Variants in S100PBP observed in about 807,000 individuals in gnomAD.
The protein encoded by S100PBP is S100P-binding protein.
S100PBP carries 15 observed loss-of-function variants against 39.9 expected under a neutral mutation model. The observed-to-expected ratio is 0.38, with a 90% CI of 0.25 to 0.58. S100PBP has a LOEUF of 0.58. Ranked by LOEUF, S100PBP falls within the 20% of genes least tolerant of loss-of-function variation. The probability of loss-of-function intolerance (pLI) is 0.70; values close to 1 mark genes in which losing one functional copy is unlikely to be tolerated. For synonymous variants in S100PBP, 178 were observed against 180.3 expected, an observed-to-expected ratio of 0.99 and a Z score of 0.10; for missense variants, 504 against 487.3, an observed-to-expected ratio of 1.03 and a Z score of -0.32.
rs774895916 is a variant in S100PBP, at chr1:32,830,059, C to T, written c.1016C>T (p.Thr339Ile). Reference sequence around the variant, plus strand: ...GCTCATATAGAAGACCCAGAGGACACTAACCAAGGTAACATGGTACCCAGA... The same window carrying T: ...GCTCATATAGAAGACCCAGAGGACATTAACCAAGGTAACATGGTACCCAGA... ...VIAHIEDPEDTNQGISGELCA... is the reference protein window; with the variant it reads ...VIAHIEDPEDINQGISGELCA... The change falls in exon 5 of 7, where the codon ACT becomes ATT. Residue 339 changes from threonine to isoleucine, a missense_variant. Physicochemically the swap from Thr to Ile is moderately conservative, Grantham distance 89. Coordinates refer to ENST00000373475, the MANE Select transcript of S100PBP (RefSeq NM_022753.4). 6.3e-7 allele frequency: 1 copy of T among 1,598,666 alleles called. No homozygotes were observed. Among genetic ancestry groups the T allele is most frequent in the Admixed American group, 1.7e-5 (1 of 59,928 alleles).
At chr1:32,851,971 G>A (rs931763756) in intron 5 of S100PBP, among the ~76,000 whole-genome samples, 27 of 152,284 alleles carry the variant, frequency 1.8e-4, no homozygotes, top group Non-Finnish European at 3.8e-4. Flanking sequence ...TGCAAAATTA[G>A]CATTATTGCA....
intron 5 of S100PBP, among the ~76,000 whole-genome samples, chr1:32,834,416 C>T (rs1639730510): frequency 6.6e-6 from 1 of 152,076 alleles, no homozygotes; most frequent in Non-Finnish European, 1.5e-5. Flanking sequence ...TGAATTTTGT[C>T]TGTTTCTTGT....
upstream of S100PBP, chr1:32,817,235 C>A (rs1421123430): frequency 1.2e-6 from 2 of 1,614,010 alleles, no homozygotes; most frequent in African/African-American, 2.7e-5. Flanking sequence ...GGGCTGGGAG[C>A]GTCCCCCATG....
rs373787383 is a variant in S100PBP at position 32,842,221 on chromosome 1, G to GTATATATATA, written c.1025-10851_1025-10842dup. On this transcript the variant is annotated intron_variant, in intron 5 of 6. Transcript: ENST00000373475. ...AAAAAAAACATATATATATATATAT[G>GTATATATATA]TATATATATATATATACACACACAC... 8.7e-4 allele frequency among the ~76,000 whole-genome samples: 80 copies of GTATATATATA among 91,748 alleles called. 1 individual carries two copies. The highest frequency in any genetic ancestry group is 1.8e-3 in the Admixed American group (12 of 6,490). 60.2% of individuals were successfully genotyped at this position (91,748 alleles called of 152,430 possible).
At chr1:32,816,980 G>C, upstream of S100PBP, 2 of 642,700 alleles carry the variant, frequency 3.1e-6, no homozygotes, top group East Asian at 2.7e-5. Flanking sequence ...CTGGACGCAA[G>C]AGGTGAGCCC....
At position 32,826,783 on chromosome 1, in the gene S100PBP, G is replaced by A. The variant is rs1184877682; in HGVS notation, c.684G>A (p.Met228Ile). 2 of 1,614,076 alleles carry A rather than the reference G, an allele frequency of 1.2e-6. No individual in the cohort carries two copies. The highest frequency in any genetic ancestry group is 8.5e-7 in the Non-Finnish European group (1 of 1,180,000). Residue 228 changes from methionine to isoleucine, a missense_variant, in exon 3 of 7, where the codon ATG becomes ATA. Physicochemically the swap from Met to Ile is conservative, Grantham distance 10 (BLOSUM62 1). Coordinates refer to ENST00000373475, the MANE Select transcript of S100PBP (RefSeq NM_022753.4). Reference sequence around the variant, plus strand: ...AACAGACTGTCTCTGATAAAAATATGCCTGACAGTGAGAACCCTACGTCTG... The same window carrying A: ...AACAGACTGTCTCTGATAAAAATATACCTGACAGTGAGAACCCTACGTCTG... ...NFQQTVSDKN[M>I]PDSENPTSVF...
At chr1:32,822,284 A>G (rs1028114589) in intron 1 of S100PBP, among the ~76,000 whole-genome samples, 9 of 152,122 alleles carry the variant, frequency 5.9e-5, no homozygotes, top group Non-Finnish European at 8.8e-5. Context: ...TTACTTATGT[A>G]TATGTTTTAC....
intron 6 of S100PBP, among the ~76,000 whole-genome samples, chr1:32,854,750 T>C (rs1640757369): frequency 6.6e-6 from 1 of 152,242 alleles, no homozygotes; most frequent in South Asian, 2.1e-4. Flanking sequence ...CTATATGCTT[T>C]GGCCTATGCT....
chr1:32,817,205 T>C (rs763337272), upstream of S100PBP: 6 of 1,614,026 alleles, frequency 3.7e-6, no homozygotes, highest in Admixed American at 1.7e-5. Flanking sequence ...TTCCGGGTGA[T>C]AAGGTGCAGT....
chr1:32,851,930 T>C (rs913144035), intron 5 of S100PBP, among the ~76,000 whole-genome samples: 1 of 152,232 alleles, frequency 6.6e-6, no homozygotes, highest in African/African-American at 2.4e-5. Flanking sequence ...TCTGCTTCTA[T>C]TGAGTTTTAG....
At chr1:32,846,305 A>C (rs1640372854) in intron 5 of S100PBP, among the ~76,000 whole-genome samples, 1 of 149,444 alleles carries the variant, frequency 6.7e-6, no homozygotes, top group Non-Finnish European at 1.5e-5. Flanking sequence ...ATTTACTTTT[A>C]TGTTTAAAGT....
At chr1:32,834,692 T>G (rs1338194969) in intron 5 of S100PBP, among the ~76,000 whole-genome samples, 1 of 152,214 alleles carries the variant, frequency 6.6e-6, no homozygotes, top group Non-Finnish European at 1.5e-5. Context: ...GTAAAGTACA[T>G]TTACCCCTTT....
At chr1:32,831,297 A>G (rs1195721711) in intron 5 of S100PBP, among the ~76,000 whole-genome samples, 1 of 151,908 alleles carries the variant, frequency 6.6e-6, no homozygotes, top group Non-Finnish European at 1.5e-5. Context: ...CATATAAAGT[A>G]CAGTAGGAGC....
chr1:32,822,481 C>T (rs1409126993), intron 1 of S100PBP, among the ~76,000 whole-genome samples: 4 of 151,738 alleles, frequency 2.6e-5, no homozygotes, highest in Non-Finnish European at 1.5e-5. Context: ...GGCGTGGTGG[C>T]GGGCGCCTGC....
chr1:32,845,881 G>C (rs997615282), intron 5 of S100PBP, among the ~76,000 whole-genome samples: 1 of 151,692 alleles, frequency 6.6e-6, no homozygotes, highest in African/African-American at 2.4e-5. Context: ...GTTTTGCCAT[G>C]TTGCCCACGC....
chr1:32,854,569 A>G (rs1640749047), intron 6 of S100PBP, among the ~76,000 whole-genome samples: 1 of 152,172 alleles, frequency 6.6e-6, no homozygotes, highest in Non-Finnish European at 1.5e-5. Flanking sequence ...TTTGACCTGG[A>G]TTGTTGCAAG....
At chr1:32,822,787 T>C (rs1184139544) in intron 1 of S100PBP, among the ~76,000 whole-genome samples, 1 of 152,154 alleles carries the variant, frequency 6.6e-6, no homozygotes, top group Non-Finnish European at 1.5e-5. Context: ...AAAAGCCCAT[T>C]TTTTTGCATC....
chr1:32,818,197 G>A (rs1395376018), intron 1 of S100PBP: 2 of 152,352 alleles, frequency 1.3e-5, no homozygotes, highest in African/African-American at 4.8e-5. Context: ...GAGGGGCGGG[G>A]AGAAAACTCT....
chr1:32,820,122 CT>C (rs1215913494), intron 1 of S100PBP, among the ~76,000 whole-genome samples: 1 of 129,064 alleles, frequency 7.7e-6, no homozygotes, highest in Non-Finnish European at 1.6e-5. Flanking sequence ...GTTTAGCACT[CT>C]TTTTTCCTAC....
Sources: gnomAD v4.1 joint callset for allele counts (sites outside exome capture counted in the v4.1 genomes callset) on GRCh38, gnomAD v4.1.1 for gene constraint, MANE v1.5 for transcripts, NCBI Gene and HGNC (gene_info 2026-07-23, HGNC 2026-07-21) for gene names.